ZNF592: variants seen among roughly 807,000 people sequenced by gnomAD.
ZNF592 encodes the protein spinocerebellar ataxia, autosomal recessive 5.
ZNF592 carries 11 observed loss-of-function variants against 80.3 expected under a neutral mutation model. The observed-to-expected ratio is 0.14, with a 90% CI of 0.09 to 0.23. The LOEUF (loss-of-function observed/expected upper bound fraction) is 0.23. Ranked by LOEUF, ZNF592 falls within the 10% of genes least tolerant of loss-of-function variation. The pLI, the probability that ZNF592 is intolerant of heterozygous loss-of-function variation, is 1.00. For missense variants in ZNF592, 1,420 were observed against 1,633.9 expected, an observed-to-expected ratio of 0.87 and a Z score of 2.26; for synonymous variants, 646 against 640.3, an observed-to-expected ratio of 1.01 and a Z score of -0.13.
At chr15:84,789,063 CAAAAA>C (rs537869400) in intron 4 of ZNF592, among the ~76,000 whole-genome samples, 3 of 147,134 alleles carry the variant, frequency 2.0e-5, no homozygotes, top group African/African-American at 7.5e-5. Context: ...AAAAAAAAAA[CAAAAA>C]AAACAAAACA....
chr15:84,797,996 G>A lies in ZNF592; in HGVS notation c.2527G>A (p.Ala843Thr), dbSNP rs747973011. ...PMAFKTASST[A>T]DHSATQHPTQ... is the part of the protein sequence containing the mutation. Reference sequence around the variant, plus strand: ...GGCCTTCAAGACTGCCAGCAGCACTGCAGACCACAGTGCCACCCAGCACCC... The same window carrying A: ...GGCCTTCAAGACTGCCAGCAGCACTACAGACCACAGTGCCACCCAGCACCC... The change falls in exon 6 of 11, where the codon GCA becomes ACA. Residue 843 changes from alanine to threonine, a missense_variant. Transcript: ENST00000560079. The A allele has an allele frequency of 6.8e-6, 11 of 1,614,030 alleles. No individual in the cohort carries two copies. The African/African-American group carries it at 1.2e-4, about 18-fold the overall frequency.
chr15:84,772,378 C>CTTATTT (rs1962106823), intron 2 of ZNF592, among the ~76,000 whole-genome samples: 1 of 152,074 alleles, frequency 6.6e-6, no homozygotes, highest in Non-Finnish European at 1.5e-5. Flanking sequence ...TAGGGAGACC[C>CTTATTT]TGTCTCTACA....
intron 2 of ZNF592, among the ~76,000 whole-genome samples, chr15:84,767,183 T>A (rs1364615387): frequency 6.6e-6 from 1 of 151,960 alleles, no homozygotes; most frequent in Non-Finnish European, 1.5e-5. Flanking sequence ...TTTTAGTAAT[T>A]TTTTTGTATT....
At position 84,782,937 on chromosome 15, in the gene ZNF592, C is replaced by G. The variant is rs751416203; in HGVS notation, c.262C>G (p.Pro88Ala). ...SFEAEKDHIT[P>A]SLLHNGFRGS... ...TGAAGCGGAGAAAGACCACATTACT[C>G]CCAGTCTCCTACACAATGGATTCCG... The change falls in exon 4 of 11, where the codon CCC (proline) becomes GCC (alanine). Residue 88 changes from proline to alanine, a missense_variant. Pro to Ala is a conservative substitution (Grantham distance 27, BLOSUM62 -1). This residue lies in a region of ZNF592 where 373 missense variants were observed against 355.5 expected (regional missense o/e 1.05). Coordinates refer to ENST00000560079, the MANE Select transcript of ZNF592 (RefSeq NM_014630.3). 4 of 1,614,210 alleles carry G rather than the reference C, an allele frequency of 2.5e-6. No homozygotes were observed. The highest frequency in any genetic ancestry group is 2.2e-5 in the South Asian group (2 of 91,076).
chr15:84,758,117 C>T (rs1021309461), intron 1 of ZNF592, among the ~76,000 whole-genome samples: 9 of 151,764 alleles, frequency 5.9e-5, no homozygotes, highest in African/African-American at 1.5e-4. Context: ...GGACTACAGG[C>T]GCCTGCCACC....
At chr15:84,792,337 G>C (rs1402173291) in intron 5 of ZNF592, among the ~76,000 whole-genome samples, 1 of 151,380 alleles carries the variant, frequency 6.6e-6, no homozygotes, top group Non-Finnish European at 1.5e-5. Flanking sequence ...GCTACAGAAG[G>C]ATTTGCAGCA....
chr15:84,755,753 C>A (rs1899150914), intron 1 of ZNF592, among the ~76,000 whole-genome samples: 1 of 152,168 alleles, frequency 6.6e-6, no homozygotes. Flanking sequence ...AGCAAAAACT[C>A]AAAAACTGCC....
At chr15:84,768,646 C>T (rs1899607198) in intron 2 of ZNF592, among the ~76,000 whole-genome samples, 1 of 152,116 alleles carries the variant, frequency 6.6e-6, no homozygotes, top group African/African-American at 2.4e-5. Context: ...ATCCCATCCT[C>T]AAAACAAATG....
rs1298799482 is a variant in ZNF592, at chr15:84,798,340, A to G, written c.2602A>G (p.Met868Val). 1.9e-6 allele frequency: 3 copies of G among 1,614,172 alleles called. No individual in the cohort carries two copies. In the South Asian group the frequency reaches 3.3e-5, roughly 18 times the overall value. ...SQLIYKCSCE[M>V]VFNKKRHIQQ... The stretch of plus-strand genomic sequence containing the variant: ...GCTCATTTATAAGTGCTCCTGTGAA[A>G]TGGTCTTCAACAAGAAGAGGCACAT... The change falls in exon 7 of 11, where the codon ATG (methionine) becomes GTG (valine). Residue 868 changes from methionine (M) to valine (V), a missense_variant. By Grantham distance (21) the Met-to-Val change is conservative. Coordinates refer to ENST00000560079, the MANE Select transcript of ZNF592 (RefSeq NM_014630.3). The surrounding 1 kb of genome is among the most constrained non-coding windows in gnomAD (Gnocchi z 4.5).
chr15:84,784,822 G>A lies in ZNF592; in HGVS notation c.2147G>A (p.Cys716Tyr). 6.2e-7 allele frequency: 1 copy of A among 1,614,110 alleles called. No homozygotes were observed. Among genetic ancestry groups the A allele is most frequent in the Non-Finnish European group, 8.5e-7 (1 of 1,180,024 alleles). The change falls in exon 4 of 11, where the codon TGT becomes TAT. Residue 716 changes from cysteine (C) to tyrosine (Y), a missense_variant. Coordinates refer to ENST00000560079, the MANE Select transcript of ZNF592 (RefSeq NM_014630.3). The surrounding 1 kb of genome is among the most constrained non-coding windows in gnomAD (Gnocchi z 5.8). ...CGGTACTCAATCAAGTGTCTTGAAT[G>A]TCACAAGCAGATGCGGGACTACATG... The part of the protein sequence containing the change: ...LIRYSIKCLE[C>Y]HKQMRDYMVL...
At chr15:84,763,993 T>C (rs1899425274) in intron 1 of ZNF592, among the ~76,000 whole-genome samples, 1 of 152,190 alleles carries the variant, frequency 6.6e-6, no homozygotes, top group South Asian at 2.1e-4. Flanking sequence ...AAAAAAGAGT[T>C]CTGCCGACTT....
chr15:84,768,021 C>A (rs60039139), intron 2 of ZNF592, among the ~76,000 whole-genome samples: 9,588 of 151,394 alleles, frequency 0.063, 422 homozygotes, highest in East Asian at 0.23. Context: ...GGACTACAGA[C>A]ATGTGCCACC....
In ZNF592 at chr15:84,804,940, T is replaced by C. The variant is rs1963199231; in HGVS notation, c.*2547T>C. ...ACCGAGGCTCCGAGAGGTTAAACGA[T>C]GTGCAGAGGCTACCTGTAGTGATGG... On this transcript the variant is annotated 3_prime_UTR_variant, in exon 11 of 11. Transcript: ENST00000560079. 6.6e-6 allele frequency: 1 copy of C among 152,198 alleles called. No individual in the cohort carries two copies. Among genetic ancestry groups the C allele is most frequent in the Non-Finnish European group, 1.5e-5 (1 of 68,044 alleles). The allele number at this position is 152,198 out of a possible 1,614,324, so 9.4% of individuals were successfully genotyped here. A position where few individuals can be genotyped will look rare whatever the true frequency, so the allele number is the denominator to read the frequency against.
In ZNF592 at chr15:84,806,442, C is replaced by G. The variant is rs569903164; in HGVS notation, c.*4049C>G. ...GCACACATATTTATAATCTCTTCCT[C>G]TTACCATTGTAGTTGTTTTCATTTT... On this transcript the variant is annotated 3_prime_UTR_variant, in exon 11 of 11. Coordinates refer to ENST00000560079, the MANE Select transcript of ZNF592 (RefSeq NM_014630.3). The G allele has an allele frequency of 6.6e-6, 1 of 152,342 alleles. No individual in the cohort carries two copies. Among genetic ancestry groups the G allele is most frequent in the African/African-American group, 2.4e-5 (1 of 41,592 alleles). 9.4% of individuals were successfully genotyped at this position (152,342 alleles called of 1,614,324 possible).
At chr15:84,774,324 CT>C (rs1962180179) in intron 2 of ZNF592, among the ~76,000 whole-genome samples, 1 of 152,356 alleles carries the variant, frequency 6.6e-6, no homozygotes, top group East Asian at 1.9e-4. Context: ...CTTCATGAAA[CT>C]TACATCCTAA....
chr15:84,771,751 G>T (rs947283922), intron 2 of ZNF592, among the ~76,000 whole-genome samples: 1 of 152,040 alleles, frequency 6.6e-6, no homozygotes, highest in African/African-American at 2.4e-5. Flanking sequence ...TTTGCCACTG[G>T]CTTGAATAGC....
intron 3 of ZNF592, among the ~76,000 whole-genome samples, chr15:84,780,844 A>T (rs936793800): frequency 5.3e-5 from 8 of 152,136 alleles, no homozygotes; most frequent in Non-Finnish European, 8.8e-5. Context: ...CCCCTAAAAA[A>T]GTTTTGAAAA....
rs1963040032 is a variant in ZNF592 at position 84,799,839 on chromosome 15, C to T, written c.3138-3C>T. The T allele has an allele frequency of 1.9e-6, 3 of 1,613,950 alleles. No homozygotes were observed. The highest frequency in any genetic ancestry group is 2.7e-5 in the African/African-American group (2 of 74,942). On this transcript the variant is annotated splice_region_variant and splice_polypyrimidine_tract_variant and intron_variant, in intron 9 of 10. Coordinates refer to ENST00000560079, the MANE Select transcript of ZNF592 (RefSeq NM_014630.3). The surrounding 1 kb of genome is among the most constrained non-coding windows in gnomAD (Gnocchi z 4.2). ...ACCTGACCTCTCCGCTGTGCTTCTG[C>T]AGGTACTGCACAGAGGACAGCCCCA...
Position 84,782,962 on chromosome 15 carries a change from G to T in ZNF592, c.287G>T (p.Arg96Leu). ...ITPSLLHNGF[R>L]GSDLPPDPHN... ...CCCAGTCTCCTACACAATGGATTCC[G>T]GGGCTCAGATCTGCCTCCAGATCCC... The change falls in exon 4 of 11, where the codon CGG becomes CTG. Residue 96 changes from arginine to leucine, a missense_variant. Physicochemically the swap from Arg to Leu is moderately radical, Grantham distance 102 (BLOSUM62 -2). Around this residue, in one of 7 missense-constraint regions of ZNF592, gnomAD observed 373 missense variants for 355.5 expected, o/e 1.05. Coordinates refer to ENST00000560079, the MANE Select transcript of ZNF592 (RefSeq NM_014630.3). 1.2e-6 allele frequency: 2 copies of T among 1,614,122 alleles called. No individual in the cohort carries two copies. The highest frequency in any genetic ancestry group is 1.7e-6 in the Non-Finnish European group (2 of 1,180,022).
Sources: allele counts gnomAD v4.1 joint callset (sites outside exome capture counted in the v4.1 genomes callset), GRCh38; gene constraint gnomAD v4.1.1; regional missense constraint gnomAD v4.1.1; non-coding constraint Gnocchi (gnomAD v3.1); transcripts MANE v1.5; gene names NCBI Gene and HGNC (gene_info 2026-07-23, HGNC 2026-07-21).